Variants in CDH18 observed in about 807,000 individuals in gnomAD.
CDH18 encodes cadherin 18, also known as cadherin-18.
Under a neutral mutation model 67.9 loss-of-function variants are expected in CDH18, and 31 were observed. That is an observed-to-expected ratio of 0.46 (90% confidence interval 0.34 to 0.62). The LOEUF is 0.62. Among genes scored for constraint, CDH18 ranks in the 20% least tolerant of loss-of-function variants. The pLI, the probability that CDH18 is intolerant of heterozygous loss-of-function variation, is 0.01. For missense variants in CDH18, 890 were observed against 975.5 expected (o/e 0.91, Z 1.17); for synonymous variants, 362 against 347.2 (o/e 1.04, Z -0.48).
intron 2 of CDH18, among the ~76,000 whole-genome samples, chr5:20,078,249 G>A (rs1045707317): frequency 6.6e-6 from 1 of 151,962 alleles, no homozygotes; most frequent in Non-Finnish European, 1.5e-5. Flanking sequence ...ATTGCCTGAG[G>A]TCAGGAGTTA....
intron 1 of CDH18, among the ~76,000 whole-genome samples, chr5:20,364,218 A>T (rs1243978285): frequency 6.6e-6 from 1 of 152,166 alleles, no homozygotes; most frequent in East Asian, 1.9e-4. Flanking sequence ...GAAGAAAAAA[A>T]TAAGTAGCTT....
intron 6 of CDH18, 105 bp from the exon 7 acceptor site, chr5:19,591,349 A>G (rs1175199060): frequency 4.6e-6 from 3 of 645,686 alleles, no homozygotes; most frequent in Non-Finnish European, 7.0e-6. Context: ...AGACTATATT[A>G]GGTAATGCAT....
At chr5:19,965,008 T>C (rs764875509) in intron 2 of CDH18, among the ~76,000 whole-genome samples, 10 of 152,180 alleles carry the variant, frequency 6.6e-5, no homozygotes, top group Admixed American at 1.3e-4. Context: ...TCCACACATA[T>C]GCAATATATA....
chr5:19,679,231 A>G (rs958190175), intron 5 of CDH18, among the ~76,000 whole-genome samples: 2 of 152,100 alleles, frequency 1.3e-5, no homozygotes, highest in African/African-American at 4.8e-5. Context: ...GATGCAGAAA[A>G]GTCTTTTGAT....
At chr5:20,548,584 GTTCT>G (rs1009088627) in intron 1 of CDH18, among the ~76,000 whole-genome samples, 1 of 152,052 alleles carries the variant, frequency 6.6e-6, no homozygotes, top group Non-Finnish European at 1.5e-5. Context: ...CACAGAAGTT[GTTCT>G]TTCCACATTT....
intron 1 of CDH18, among the ~76,000 whole-genome samples, chr5:20,307,542 T>TA (rs1325745898): frequency 1.3e-5 from 2 of 152,186 alleles, no homozygotes; most frequent in African/African-American, 4.8e-5. Flanking sequence ...TCACACATGT[T>TA]AAAAAGAAGA....
At chr5:19,779,923 A>T (rs566461403) in intron 3 of CDH18, among the ~76,000 whole-genome samples, 2 of 152,268 alleles carry the variant, frequency 1.3e-5, no homozygotes, top group Admixed American at 6.5e-5. Flanking sequence ...TCCATTTTAT[A>T]TGAATAATAT....
intron 1 of CDH18, among the ~76,000 whole-genome samples, chr5:20,290,718 A>C (rs1371964440): frequency 1.3e-5 from 2 of 152,202 alleles, no homozygotes; most frequent in Admixed American, 1.3e-4. Context: ...CCATGACAGC[A>C]TGAGGAAGCA....
At chr5:19,942,062 A>T (rs557358103) in intron 2 of CDH18, among the ~76,000 whole-genome samples, 1 of 152,152 alleles carries the variant, frequency 6.6e-6, no homozygotes, top group Admixed American at 6.5e-5. Flanking sequence ...TCAGGAAAGC[A>T]GACTTCAAAA....
chr5:20,574,801 A>G (rs1002914018), intron 1 of CDH18, among the ~76,000 whole-genome samples: 13 of 152,182 alleles, frequency 8.5e-5, no homozygotes, highest in African/African-American at 2.4e-4. Flanking sequence ...ATGCTACTGC[A>G]GGTAAGCAAT....
intron 1 of CDH18, among the ~76,000 whole-genome samples, chr5:19,987,714 T>C (rs1235488920): frequency 1.3e-5 from 2 of 152,166 alleles, no homozygotes; most frequent in South Asian, 2.1e-4. Context: ...CTTTTACAGA[T>C]AGACATAAAT....
At chr5:20,286,267 TA>T (rs1746687378) in intron 1 of CDH18, among the ~76,000 whole-genome samples, 1 of 151,664 alleles carries the variant, frequency 6.6e-6, no homozygotes, top group South Asian at 2.1e-4. Context: ...TGGAGACATT[TA>T]AGATTAACAT....
chr5:20,281,223 T>G (rs1406398160), intron 1 of CDH18, among the ~76,000 whole-genome samples: 1 of 152,190 alleles, frequency 6.6e-6, no homozygotes, highest in East Asian at 1.9e-4. Context: ...TAGATCCCAT[T>G]TGTCAATTCT....
intron 3 of CDH18, among the ~76,000 whole-genome samples, chr5:19,832,491 C>T (rs1286620584): frequency 3.9e-5 from 6 of 151,982 alleles, no homozygotes; most frequent in Non-Finnish European, 8.8e-5. Flanking sequence ...AGATACTTCT[C>T]AGCTTTTTGG....
rs1372792606 is a variant in CDH18, at chr5:20,414,259, T to C, written c.-579-158754A>G. On this transcript the variant is annotated intron_variant, in intron 1 of 14. Coordinates refer to the CDH18 transcript ENST00000507958. Reference sequence around the variant, plus strand: ...TTTATCGTAGCACTATTCACAATAGTAAGTCTTGGAATCACCCCAGGTGCT... The same window carrying C: ...TTTATCGTAGCACTATTCACAATAGCAAGTCTTGGAATCACCCCAGGTGCT... Among the ~76,000 whole-genome samples, 3 of 151,570 alleles carry C rather than the reference T, an allele frequency of 2.0e-5. No homozygotes were observed. In the East Asian group the frequency reaches 5.8e-4, roughly 29 times the overall value.
rs116849525 is a variant in CDH18, at chr5:19,790,497, T to C, written c.229-43261A>G. Among the ~76,000 whole-genome samples the C allele has an allele frequency of 6.6e-5, 10 of 152,240 alleles. No homozygotes were observed. In the East Asian group the frequency reaches 1.9e-3, roughly 29 times the overall value. ...AGTGATGAATCCAGCTGCTGACACATAGATAATTAAAATATGAATTTGGTA... is the reference window on the plus strand; with the variant it reads ...AGTGATGAATCCAGCTGCTGACACACAGATAATTAAAATATGAATTTGGTA... On this transcript the variant is annotated intron_variant, in intron 3 of 12. Coordinates refer to ENST00000382275, the MANE Select transcript of CDH18 (RefSeq NM_004934.5).
At chr5:19,905,195 G>A (rs995223967) in intron 2 of CDH18, among the ~76,000 whole-genome samples, 1 of 152,198 alleles carries the variant, frequency 6.6e-6, no homozygotes, top group East Asian at 1.9e-4. Context: ...AGAAGCAGCT[G>A]GATAAATAAT....
intron 11 of CDH18, among the ~76,000 whole-genome samples, chr5:19,499,614 T>A (rs557439654): frequency 2.6e-5 from 4 of 152,226 alleles, no homozygotes; most frequent in African/African-American, 2.4e-5. Context: ...CCAATTTTTT[T>A]ATCTTTTTTG....
At chr5:19,858,560 T>C (rs1784538159) in intron 2 of CDH18, among the ~76,000 whole-genome samples, 2 of 152,320 alleles carry the variant, frequency 1.3e-5, no homozygotes, top group South Asian at 4.1e-4. Flanking sequence ...GTATTAGGAA[T>C]CTCTGGTTAT....
Sources: gnomAD v4.1 joint callset for allele counts (sites outside exome capture counted in the v4.1 genomes callset) on GRCh38, gnomAD v4.1.1 for gene constraint, MANE v1.5 for transcripts, NCBI Gene and HGNC (gene_info 2026-07-23, HGNC 2026-07-21) for gene names.